CPSF7: variants seen among roughly 807,000 people sequenced by gnomAD.
CPSF7 encodes the protein cleavage and polyadenylation specific factor 7, also known as cleavage and polyadenylation specificity factor subunit 7.
Under a neutral mutation model 44.3 loss-of-function variants are expected in CPSF7, and 1 was observed. The observed-to-expected ratio is 0.02, with a 90% CI of 0.01 to 0.11. The LOEUF is 0.11. Ranked by LOEUF, CPSF7 falls within the 10% of genes least tolerant of loss-of-function variation. The pLI is 1.00. For synonymous variants in CPSF7, 202 were observed against 222.0 expected (o/e 0.91, Z 0.80); for missense variants, 443 against 607.2 (o/e 0.73, Z 2.84).
intron 9 of CPSF7, among the ~76,000 whole-genome samples, chr11:61,406,857 C>G (rs1590661436): frequency 6.6e-6 from 1 of 152,134 alleles, no homozygotes; most frequent in South Asian, 2.1e-4. Context: ...ATCCTCCCAC[C>G]TAAGTGCCCC....
intron 1 of CPSF7, chr11:61,429,661 A>C: frequency 4.4e-6 from 6 of 1,371,736 alleles, no homozygotes; most frequent in Non-Finnish European, 6.0e-6. Flanking sequence ...CTCCGGCCAG[A>C]GCCCCCAGGT....
intron 9 of CPSF7, among the ~76,000 whole-genome samples, chr11:61,406,607 G>A (rs1859344043): frequency 2.0e-5 from 3 of 152,188 alleles, no homozygotes; most frequent in Non-Finnish European, 4.4e-5. Flanking sequence ...CTGCCTCAGA[G>A]TTAATTTTTC....
chr11:61,421,085 G>C (rs1860831055), intron 3 of CPSF7: 1 of 1,365,936 alleles, frequency 7.3e-7, no homozygotes, highest in Non-Finnish European at 9.6e-7. Context: ...TGACCACCAA[G>C]AGTTCAAGGT....
chr11:61,414,215 T>C (rs1232377128), intron 7 of CPSF7, among the ~76,000 whole-genome samples: 1 of 143,332 alleles, frequency 7.0e-6, no homozygotes, highest in African/African-American at 2.6e-5. Flanking sequence ...AGTGGCACAA[T>C]CTCGGCTCAC....
At chr11:61,413,361 G>A (rs1860019551) in intron 7 of CPSF7, among the ~76,000 whole-genome samples, 1 of 152,132 alleles carries the variant, frequency 6.6e-6, no homozygotes, top group Admixed American at 6.5e-5. Context: ...GCTGGATGCA[G>A]TGGCTCACAC....
In CPSF7 at chr11:61,416,211, G is replaced by A; in HGVS notation, c.832C>T (p.Pro278Ser). 1 of 1,529,002 alleles carries A rather than the reference G, an allele frequency of 6.5e-7. No individual in the cohort carries two copies. Among genetic ancestry groups the A allele is most frequent in the Non-Finnish European group, 8.8e-7 (1 of 1,140,754 alleles). 94.7% of individuals were successfully genotyped at this position (1,529,002 alleles called of 1,614,324 possible). The change falls in exon 6 of 10, where the codon CCT (proline) becomes TCT (serine). Residue 278 changes from proline to serine, a missense_variant. By Grantham distance (74) the Pro-to-Ser change is moderately conservative. Transcript: ENST00000439958. ...LAVPPPGAIP[P>S]ALHLNPAFFP... ...AAGGCTGGATTGAGGTGAAGGGCAG[G>A]TGGGATGGCCCCAGGGGGAGGTACA...
rs1415826211 is a variant in CPSF7 at position 61,429,240 on chromosome 11, C to T, written c.-5G>A. 1 of 1,613,722 alleles carries T rather than the reference C, an allele frequency of 6.2e-7. No homozygotes were observed. The highest frequency in any genetic ancestry group is 2.2e-5 in the East Asian group (1 of 44,878). ...CAAGTCCACTCCTTCTGACATGGCT[C>T]CGGAAGGAAGATCGCGAGTCCGGAG... On this transcript the variant is annotated 5_prime_UTR_variant, in exon 2 of 10. Coordinates refer to ENST00000439958, the MANE Select transcript of CPSF7 (RefSeq NM_001142565.3).
At chr11:61,413,613 AAT>A (rs1013012015) in intron 7 of CPSF7, among the ~76,000 whole-genome samples, 1 of 151,548 alleles carries the variant, frequency 6.6e-6, no homozygotes, top group African/African-American at 2.4e-5. Context: ...CAGCTTGGGC[AAT>A]AGAGCCAGAC....
At chr11:61,412,203 A>G (rs1334854331) in intron 7 of CPSF7, among the ~76,000 whole-genome samples, 1 of 152,098 alleles carries the variant, frequency 6.6e-6, no homozygotes, top group Non-Finnish European at 1.5e-5. Context: ...AACAATGTGC[A>G]TATTTTTTGA....
chr11:61,427,672 A>AG (rs1861519757), intron 2 of CPSF7, among the ~76,000 whole-genome samples: 1 of 151,916 alleles, frequency 6.6e-6, no homozygotes, highest in South Asian at 2.1e-4. Flanking sequence ...AAAAAAAAAA[A>AG]AGGAAAATTC....
intron 9 of CPSF7, among the ~76,000 whole-genome samples, chr11:61,407,572 G>A (rs1391091901): frequency 2.0e-5 from 3 of 152,202 alleles, no homozygotes; most frequent in Non-Finnish European, 4.4e-5. Context: ...AATCTAGAAA[G>A]AAGTACCTGG....
At chr11:61,423,317 C>T (rs374961435) in intron 2 of CPSF7, among the ~76,000 whole-genome samples, 95 of 151,756 alleles carry the variant, frequency 6.3e-4, no homozygotes, top group Non-Finnish European at 1.1e-3. Context: ...GGATTACAGG[C>T]ACACACCACC....
At chr11:61,406,158 A>C (rs933620602) in intron 9 of CPSF7, 10 of 152,214 alleles carry the variant, frequency 6.6e-5, no homozygotes, top group African/African-American at 2.2e-4. Flanking sequence ...TGAATTCTTA[A>C]ATCTCCATGG....
At chr11:61,412,328 G>A (rs995608953) in intron 7 of CPSF7, among the ~76,000 whole-genome samples, 1 of 140,148 alleles carries the variant, frequency 7.1e-6, no homozygotes, top group Non-Finnish European at 1.5e-5. Flanking sequence ...TCACTCTGTT[G>A]CCCAGGCTGG....
chr11:61,418,973 C>A (rs1860599677), intron 5 of CPSF7, among the ~76,000 whole-genome samples: 1 of 151,926 alleles, frequency 6.6e-6, no homozygotes, highest in Non-Finnish European at 1.5e-5. Context: ...CCGCCTCAGC[C>A]TTCCAAAGCA....
At position 61,404,573 on chromosome 11, in the gene CPSF7, T is replaced by C. The variant is rs1203381003; in HGVS notation, c.*137A>G. The C allele has an allele frequency of 1.3e-5, 2 of 152,234 alleles. No homozygotes were observed. Among genetic ancestry groups the C allele is most frequent in the African/African-American group, 4.8e-5 (2 of 41,374 alleles). 9.4% of individuals were successfully genotyped at this position (152,234 alleles called of 1,614,324 possible). A position where few individuals can be genotyped will look rare whatever the true frequency, so the allele number is the denominator to read the frequency against. On this transcript the variant is annotated 3_prime_UTR_variant, in exon 10 of 10. Coordinates refer to ENST00000439958, the MANE Select transcript of CPSF7 (RefSeq NM_001142565.3). ...CTTCAATCCTGTGGGGCAGAGGGTA[T>C]TCCCTGGGTGTCTGGAGGGAGTTAG...
intron 1 of CPSF7, chr11:61,429,542 G>A (rs752261287): frequency 2.6e-5 from 15 of 570,868 alleles, no homozygotes; most frequent in African/African-American, 4.0e-5. Context: ...ATGGCGCGAC[G>A]GAAAAGTCCC....
intron 9 of CPSF7, 99 bp downstream of exon 9, chr11:61,410,839 T>C: frequency 7.9e-7 from 1 of 1,273,326 alleles, no homozygotes; most frequent in Non-Finnish European, 1.1e-6. Context: ...CCCCTACCCT[T>C]GCTGCATTTA....
Position 61,404,098 on chromosome 11 carries a change from GTCAATAC to G in CPSF7, c.*605_*611del, listed in dbSNP as rs1565095006. ...CTCTGGGAGGTCAAAGAAATAAACC[GTCAATAC>G]GTGAGAGGGAAAGCAGGAACAGAAG... On this transcript the variant is annotated 3_prime_UTR_variant, in exon 10 of 10. Coordinates refer to ENST00000439958, the MANE Select transcript of CPSF7 (RefSeq NM_001142565.3). The G allele has an allele frequency of 5.9e-5, 9 of 152,724 alleles. No individual in the cohort carries two copies. The highest frequency in any genetic ancestry group is 2.2e-4 in the African/African-American group (9 of 41,560). The allele number at this position is 152,724 out of a possible 1,614,324, so 9.5% of individuals were successfully genotyped here. A position where few individuals can be genotyped will look rare whatever the true frequency, so the allele number is the denominator to read the frequency against.
Sources: gnomAD v4.1 joint callset for allele counts (sites outside exome capture counted in the v4.1 genomes callset) on GRCh38, gnomAD v4.1.1 for gene constraint, MANE v1.5 for transcripts, NCBI Gene and HGNC (gene_info 2026-07-23, HGNC 2026-07-21) for gene names.